The following TCEANC2 variants were observed in gnomAD, a reference collection of about 807,000 sequenced individuals.
TCEANC2 encodes transcription elongation factor A N-terminal and central domain containing 2, also known as transcription elongation factor A N-terminal and central domain-containing protein 2.
In TCEANC2, 20 loss-of-function variants were observed where a neutral mutation model predicts 22.8. The observed-to-expected ratio is 0.88, with a 90% confidence interval of 0.62 to 1.28. TCEANC2 has a LOEUF of 1.28. Ranked by LOEUF, TCEANC2 falls within the 50% of genes most tolerant of loss-of-function variation. TCEANC2 has a pLI of 0.00. For synonymous variants in TCEANC2, 84 were observed against 95.5 expected (o/e 0.88, Z 0.70); for missense variants, 251 against 249.7 (o/e 1.01, Z -0.03).
At chr1:54,079,042 C>T (rs928223663) in intron 3 of TCEANC2, among the ~76,000 whole-genome samples, 4 of 152,250 alleles carry the variant, frequency 2.6e-5, no homozygotes, top group South Asian at 2.1e-4. Context: ...CATGGGGTAT[C>T]GAGTAAATAG....
At chr1:54,090,210 T>A (rs1332210690) in intron 4 of TCEANC2, 3 of 220,158 alleles carry the variant, frequency 1.4e-5, no homozygotes, top group Non-Finnish European at 2.8e-5. Flanking sequence ...ATAAAGTACA[T>A]TTGAAACCTT....
intron 3 of TCEANC2, among the ~76,000 whole-genome samples, chr1:54,078,050 T>A (rs1322362841): frequency 6.6e-6 from 1 of 152,236 alleles, no homozygotes; most frequent in Non-Finnish European, 1.5e-5. Flanking sequence ...TTCCTACCAT[T>A]TTCTTAAATC....
In TCEANC2 at chr1:54,054,430, A is replaced by G. The variant is rs1657701216; in HGVS notation, c.8A>G (p.Lys3Arg). Residue 3 changes from lysine to arginine, a missense_variant, in exon 2 of 5, where the codon AAA (lysine) becomes AGA (arginine). Lys to Arg is a conservative substitution (Grantham distance 26). Transcript: ENST00000234827. Reference sequence around the variant, plus strand: ...AGTCGGAGTCCCCTAACAATGGATAAATTCGTCATTCGAACGCCTAGAATC... The same window carrying G: ...AGTCGGAGTCCCCTAACAATGGATAGATTCGTCATTCGAACGCCTAGAATC... MDKFVIRTPRIQN... is the reference protein window; with the variant it reads MDRFVIRTPRIQN... 6.2e-7 allele frequency: 1 copy of G among 1,613,920 alleles called. No individual in the cohort carries two copies. The highest frequency in any genetic ancestry group is 8.5e-7 in the Non-Finnish European group (1 of 1,180,022).
chr1:54,063,947 G>A (rs1657903196), intron 2 of TCEANC2, among the ~76,000 whole-genome samples: 2 of 152,162 alleles, frequency 1.3e-5, no homozygotes, highest in Non-Finnish European at 2.9e-5. Context: ...AAGGCTAGCT[G>A]TAGTTAAATT....
chr1:54,054,373 T>C lies in TCEANC2; in HGVS notation c.-42-8T>C. 6.2e-7 allele frequency: 1 copy of C among 1,610,220 alleles called. No homozygotes were observed. Among genetic ancestry groups the C allele is most frequent in the Non-Finnish European group, 8.5e-7 (1 of 1,178,444 alleles). Reference sequence around the variant, plus strand: ...GGGGTTTTAGAATCTGCCCTCTTTCTTGACCAGAACACGCTGCAAGCACGT... The same window carrying C: ...GGGGTTTTAGAATCTGCCCTCTTTCCTGACCAGAACACGCTGCAAGCACGT... On this transcript the variant is annotated splice_polypyrimidine_tract_variant and splice_region_variant and intron_variant, in intron 1 of 4. Coordinates refer to ENST00000234827, the MANE Select transcript of TCEANC2 (RefSeq NM_153035.3).
chr1:54,107,656 A>G (rs1658779331), downstream of TCEANC2, among the ~76,000 whole-genome samples: 1 of 152,080 alleles, frequency 6.6e-6, no homozygotes, highest in African/African-American at 2.4e-5. Flanking sequence ...GGACTCATTT[A>G]TTTTATGCGT....
At chr1:54,059,605 C>T (rs1159196600) in intron 2 of TCEANC2, among the ~76,000 whole-genome samples, 1 of 152,214 alleles carries the variant, frequency 6.6e-6, no homozygotes, top group Non-Finnish European at 1.5e-5. Flanking sequence ...TTAGTACTCT[C>T]AACGTTTGGT....
rs1304967343 is a variant in TCEANC2 at position 54,098,155 on chromosome 1, T to G, written c.*1682T>G. The stretch of plus-strand genomic sequence containing the variant: ...CCCCTGACTTTCAGATGATATTTCC[T>G]AGATGCCCCATAGACATCTCAGATA... On this transcript the variant is annotated 3_prime_UTR_variant, in exon 5 of 5. Transcript: ENST00000234827. The G allele has an allele frequency of 1.3e-5, 2 of 152,236 alleles. No homozygotes were observed. Among genetic ancestry groups the G allele is most frequent in the African/African-American group, 4.8e-5 (2 of 41,428 alleles). 9.4% of individuals were successfully genotyped at this position (152,236 alleles called of 1,614,324 possible).
At chr1:54,111,495 C>T (rs547020908) in exon 5 of TCEANC2, 2 of 152,364 alleles carry the variant, frequency 1.3e-5, no homozygotes, top group African/African-American at 4.8e-5. Flanking sequence ...GGCCAGTCCC[C>T]TCTCCACATT....
At chr1:54,091,999 C>T (rs1184451304) in intron 4 of TCEANC2, among the ~76,000 whole-genome samples, 1 of 152,222 alleles carries the variant, frequency 6.6e-6, no homozygotes, top group Non-Finnish European at 1.5e-5. Context: ...GGTACGTCCC[C>T]ATATGGGACT....
chr1:54,092,888 C>G (rs1292266046), intron 4 of TCEANC2, among the ~76,000 whole-genome samples: 1 of 152,180 alleles, frequency 6.6e-6, no homozygotes, highest in East Asian at 1.9e-4. Context: ...GTATAACACA[C>G]TTAACTCACA....
At chr1:54,085,660 A>G (rs1470454372) in intron 3 of TCEANC2, among the ~76,000 whole-genome samples, 7 of 152,200 alleles carry the variant, frequency 4.6e-5, no homozygotes, top group Admixed American at 4.6e-4. Flanking sequence ...GTGTAGAAGT[A>G]TTTGGTTGTA....
chr1:54,080,448 GTTA>G (rs1658219119), intron 3 of TCEANC2, among the ~76,000 whole-genome samples: 1 of 152,140 alleles, frequency 6.6e-6, no homozygotes. Context: ...GCCTGGCTGA[GTTA>G]TTATTAAGAC....
Position 54,068,864 on chromosome 1 carries a change from C to A in TCEANC2, c.211C>A (p.Pro71Thr), listed in dbSNP as rs776439131. Residue 71 changes from proline (P) to threonine (T), a missense_variant, in exon 3 of 5, where the codon CCC (proline) becomes ACC (threonine). Transcript: ENST00000234827. ...CTTACAAGAATTAAAGAAGAAAATACCCTCCAGGGAAGTGTTAAAATCAAC... is the reference window on the plus strand; with the variant it reads ...CTTACAAGAATTAAAGAAGAAAATAACCTCCAGGGAAGTGTTAAAATCAAC... The part of the protein sequence containing the change: ...EALQELKKKI[P>T]SREVLKSTRI... 6.2e-7 allele frequency: 1 copy of A among 1,609,934 alleles called. No homozygotes were observed. Among genetic ancestry groups the A allele is most frequent in the East Asian group, 2.2e-5 (1 of 44,744 alleles).
intron 3 of TCEANC2, among the ~76,000 whole-genome samples, chr1:54,070,415 G>T (rs1179874646): frequency 6.6e-6 from 1 of 152,080 alleles, no homozygotes; most frequent in Non-Finnish European, 1.5e-5. Context: ...TAATAGGCCG[G>T]ATTTGAAGGT....
chr1:54,088,705 C>A lies in TCEANC2; in HGVS notation c.353C>A (p.Pro118His), dbSNP rs1282963558. 2.5e-6 allele frequency: 4 copies of A among 1,610,940 alleles called. No individual in the cohort carries two copies. In the East Asian group the frequency reaches 8.9e-5, roughly 36 times the overall value. The stretch of plus-strand genomic sequence containing the variant: ...TTCACTGAAAAACATTCAAATAGAC[C>A]TTCTATTGAAGTTAGAAGTGATCCC... ...KTFTEKHSNRPSIEVRSDPKT... is the reference protein window; with the variant it reads ...KTFTEKHSNRHSIEVRSDPKT... Residue 118 changes from proline to histidine, a missense_variant, in exon 4 of 5, where the codon CCT becomes CAT. Pro to His is a moderately conservative substitution (Grantham distance 77). Coordinates refer to ENST00000234827, the MANE Select transcript of TCEANC2 (RefSeq NM_153035.3).
At position 54,101,230 on chromosome 1, in the gene TCEANC2, G is replaced by T. The variant is rs1658656926; in HGVS notation, c.*4757G>T. 1.3e-5 allele frequency: 2 copies of T among 152,204 alleles called. No homozygotes were observed. Among genetic ancestry groups the T allele is most frequent in the African/African-American group, 4.8e-5 (2 of 41,458 alleles). The allele number at this position is 152,204 out of a possible 1,614,324, so 9.4% of individuals were successfully genotyped here. A position where few individuals can be genotyped will look rare whatever the true frequency, so the allele number is the denominator to read the frequency against. On this transcript the variant is annotated 3_prime_UTR_variant, in exon 5 of 5. Transcript: ENST00000234827. ...AATGTGTTTATCACAGCCAGATGGG[G>T]CAAAGGCTCAGTTTGTTACTGCCCA...
chr1:54,080,169 A>G (rs745899863), intron 3 of TCEANC2, among the ~76,000 whole-genome samples: 29 of 147,558 alleles, frequency 2.0e-4, no homozygotes, highest in Non-Finnish European at 3.1e-4. Context: ...TTTTTGAGAC[A>G]GTCTCACTCT....
chr1:54,058,419 A>G (rs1342744423), intron 2 of TCEANC2, among the ~76,000 whole-genome samples: 3 of 151,976 alleles, frequency 2.0e-5, no homozygotes, highest in African/African-American at 7.3e-5. Context: ...GCCCCGCTAT[A>G]CTCTGAGCTT....
Sources: allele counts gnomAD v4.1 joint callset (sites outside exome capture counted in the v4.1 genomes callset), GRCh38; gene constraint gnomAD v4.1.1; transcripts MANE v1.5; gene names NCBI Gene and HGNC (gene_info 2026-07-23, HGNC 2026-07-21).